ADAM22: variants seen among roughly 807,000 people sequenced by gnomAD.
The protein encoded by ADAM22 is disintegrin and metalloproteinase domain-containing protein 22.
In ADAM22, 65 loss-of-function variants were observed where a neutral mutation model predicts 144.6. The observed-to-expected ratio is 0.45, with a 90% CI of 0.37 to 0.55. ADAM22 has a LOEUF of 0.55. Among genes scored for constraint, ADAM22 ranks in the 20% least tolerant of loss-of-function variants. The probability of loss-of-function intolerance (pLI) is 0.00; values close to 1 mark genes in which losing one functional copy is unlikely to be tolerated. For synonymous variants in ADAM22, 391 were observed against 412.6 expected (o/e 0.95, Z 0.63); for missense variants, 974 against 1,184.9 (o/e 0.82, Z 2.61).
At chr7:88,183,833 C>CAT (rs35310717) in intron 29 of ADAM22, among the ~76,000 whole-genome samples, 1,656 of 146,036 alleles carry the variant, frequency 0.011, 26 homozygotes, top group African/African-American at 0.036. Flanking sequence ...TGTATATATA[C>CAT]ATATATATAT....
At chr7:88,002,700 G>T (rs1435820738) in intron 3 of ADAM22, among the ~76,000 whole-genome samples, 2 of 152,206 alleles carry the variant, frequency 1.3e-5, no homozygotes, top group Non-Finnish European at 2.9e-5. Flanking sequence ...GGACAGATCA[G>T]TACAAGGATC....
At chr7:87,976,133 G>A (rs998233321) in intron 2 of ADAM22, among the ~76,000 whole-genome samples, 2 of 152,208 alleles carry the variant, frequency 1.3e-5, no homozygotes, top group Non-Finnish European at 2.9e-5. Context: ...TGCTGGTCAA[G>A]TACTGAGGTC....
chr7:88,172,088 AT>A (rs1409522179), intron 26 of ADAM22, among the ~76,000 whole-genome samples: 1 of 151,798 alleles, frequency 6.6e-6, no homozygotes, highest in Non-Finnish European at 1.5e-5. Context: ...AATTTTTTGT[AT>A]TGATTAGGTA....
At chr7:87,979,155 A>G (rs2299192) in intron 3 of ADAM22, among the ~76,000 whole-genome samples, 1 of 152,164 alleles carries the variant, frequency 6.6e-6, no homozygotes, top group Non-Finnish European at 1.5e-5. Flanking sequence ...TTCTGGAAGC[A>G]TTTCTACAAC....
At chr7:88,080,091 T>G (rs557803503) in intron 4 of ADAM22, among the ~76,000 whole-genome samples, 1 of 152,254 alleles carries the variant, frequency 6.6e-6, no homozygotes, top group East Asian at 1.9e-4. Flanking sequence ...GACCACATAG[T>G]TGGAAGTAAA....
intron 21 of ADAM22, 72 bp downstream of exon 21, chr7:88,153,398 A>G: frequency 7.9e-7 from 1 of 1,264,422 alleles, no homozygotes; most frequent in Non-Finnish European, 1.1e-6. Flanking sequence ...GTGACTAGGA[A>G]GTTTCTGCTT....
At chr7:88,167,162 A>T (rs768583989) in intron 24 of ADAM22, among the ~76,000 whole-genome samples, 33 of 152,172 alleles carry the variant, frequency 2.2e-4, no homozygotes, top group Non-Finnish European at 4.3e-4. Context: ...GTATAAAAGG[A>T]TGCCTCAGGA....
At chr7:88,118,509 G>C (rs1331635057) in intron 7 of ADAM22, among the ~76,000 whole-genome samples, 1 of 152,026 alleles carries the variant, frequency 6.6e-6, no homozygotes, top group Non-Finnish European at 1.5e-5. Flanking sequence ...GTCATGACTA[G>C]CTGTGTGGGA....
At chr7:88,005,989 T>C (rs901183668) in intron 3 of ADAM22, among the ~76,000 whole-genome samples, 1 of 152,204 alleles carries the variant, frequency 6.6e-6, no homozygotes, top group African/African-American at 2.4e-5. Flanking sequence ...TTATAATTTA[T>C]ATGCTGTGGC....
In ADAM22 at chr7:88,120,518, T is replaced by C. The variant is rs183099464; in HGVS notation, c.607+3704T>C. Among the ~76,000 whole-genome samples, 21 of 152,352 alleles carry C rather than the reference T, an allele frequency of 1.4e-4. 1 individual carries two copies. The East Asian group carries it at 3.9e-3, about 28-fold the overall frequency. ...CAACATTTGCTCTGTCATTCTTTAA[T>C]TTTAGCTATTCTAGTGTATGTGGTG... is the stretch of plus-strand genomic sequence containing the variant. On this transcript the variant is annotated intron_variant, in intron 7 of 31. Coordinates refer to ENST00000413139, the MANE Select transcript of ADAM22 (RefSeq NM_001324418.2).
At chr7:88,135,888 A>T in intron 13 of ADAM22, 92 bp from the exon 14 acceptor site, 1 of 1,114,808 alleles carries the variant, frequency 9.0e-7, no homozygotes, top group Non-Finnish European at 1.3e-6. Context: ...CATTTTAAGG[A>T]ATAAAGTGGA....
intron 7 of ADAM22, among the ~76,000 whole-genome samples, chr7:88,117,715 A>G (rs1225555263): frequency 1.4e-5 from 2 of 144,688 alleles, no homozygotes; most frequent in Non-Finnish European, 3.0e-5. Flanking sequence ...TTTTTTTGAG[A>G]CAAAGTCTTG....
chr7:88,005,182 A>C (rs1793508448), intron 3 of ADAM22, among the ~76,000 whole-genome samples: 1 of 151,734 alleles, frequency 6.6e-6, no homozygotes, highest in South Asian at 2.1e-4. Context: ...TCACCCACTC[A>C]CTCCCCATTA....
chr7:88,013,780 G>A (rs1448275240), intron 3 of ADAM22, among the ~76,000 whole-genome samples: 1 of 152,150 alleles, frequency 6.6e-6, no homozygotes, highest in East Asian at 1.9e-4. Context: ...ACTGATGTTA[G>A]TATGTTCATA....
intron 2 of ADAM22, among the ~76,000 whole-genome samples, chr7:87,948,490 C>T (rs1180148306): frequency 1.3e-5 from 2 of 152,112 alleles, no homozygotes; most frequent in Non-Finnish European, 2.9e-5. Context: ...GGAATAATCT[C>T]CTTCCTAAAA....
chr7:88,134,498 A>T (rs1832542779), intron 13 of ADAM22, 79 bp downstream of exon 13: 2 of 1,059,108 alleles, frequency 1.9e-6, no homozygotes, highest in Admixed American at 5.6e-5. Context: ...AAATTTTTTG[A>T]TTTAGTTGCT....
intron 3 of ADAM22, among the ~76,000 whole-genome samples, chr7:88,058,861 G>C (rs1172156853): frequency 6.6e-6 from 1 of 152,158 alleles, no homozygotes; most frequent in African/African-American, 2.4e-5. Flanking sequence ...TCTAGTGCTT[G>C]AATTTTCCTA....
At chr7:88,172,789 C>G (rs1386285581) in intron 26 of ADAM22, among the ~76,000 whole-genome samples, 1 of 151,876 alleles carries the variant, frequency 6.6e-6, no homozygotes, top group Non-Finnish European at 1.5e-5. Flanking sequence ...TAAGAACAAC[C>G]AGATTTCTTC....
chr7:88,038,927 T>A (rs1563080300), intron 3 of ADAM22, among the ~76,000 whole-genome samples: 1 of 151,822 alleles, frequency 6.6e-6, no homozygotes, highest in Non-Finnish European at 1.5e-5. Context: ...ACTATAGGCA[T>A]GTGAGGCCAT....
Sources: allele counts gnomAD v4.1 joint callset (sites outside exome capture counted in the v4.1 genomes callset), GRCh38; gene constraint gnomAD v4.1.1; transcripts MANE v1.5; gene names NCBI Gene and HGNC (gene_info 2026-07-23, HGNC 2026-07-21).